The following EML1 variants were observed in gnomAD, a reference collection of about 807,000 sequenced individuals.
The protein encoded by EML1 is EMAP like 1, also known as echinoderm microtubule-associated protein-like 1.
Under a neutral mutation model 110.4 loss-of-function variants are expected in EML1, and 27 were observed. The ratio of observed to expected loss-of-function variants is 0.24; its 90% CI spans 0.18 to 0.34. The LOEUF (loss-of-function observed/expected upper bound fraction) is 0.34. Among genes scored for constraint, EML1 ranks in the 10% least tolerant of loss-of-function variants. EML1 has a pLI of 1.00. For synonymous variants in EML1, 344 were observed against 385.8 expected (o/e 0.89, Z 1.27); for missense variants, 741 against 1,030.9 (o/e 0.72, Z 3.85).
intron 7 of EML1, among the ~76,000 whole-genome samples, chr14:99,897,827 G>A (rs770253103): frequency 5.3e-5 from 8 of 152,144 alleles, no homozygotes; most frequent in Non-Finnish European, 8.8e-5. Context: ...GGATGGATGC[G>A]TGAAGAGATG....
chr14:99,805,452 C>T (rs976879307), intron 1 of EML1, among the ~76,000 whole-genome samples: 5 of 152,084 alleles, frequency 3.3e-5, no homozygotes, highest in African/African-American at 9.7e-5. Context: ...ATTCTATTTA[C>T]TTATTCTCTT....
chr14:99,897,259 G>A lies in EML1; in HGVS notation c.792G>A (p.Gln264=), dbSNP rs753290943. 14 of 1,612,684 alleles carry A rather than the reference G, an allele frequency of 8.7e-6. No homozygotes were observed. In the African/African-American group the frequency reaches 1.7e-4, roughly 20 times the overall value. The change falls in exon 7 of 22, where the codon CAG becomes CAA. Residue 264 remains glutamine, a synonymous_variant. Transcript: ENST00000262233. ...TATACAACGTGGAGGAGCAACTGCA[G>A]AGGCATTACGCTGGCCACAACGATG... ...VVLYNVEEQL[Q]RHYAGHNDDV... is the part of the protein sequence containing the mutation.
At chr14:99,743,408 C>T (rs189975483) in intron 1 of EML1, among the ~76,000 whole-genome samples, 2 of 152,322 alleles carry the variant, frequency 1.3e-5, no homozygotes, top group East Asian at 3.9e-4. Flanking sequence ...AGTGGCACCA[C>T]CCCAGACCAC....
At chr14:99,934,453 G>A (rs193013778) in intron 17 of EML1, among the ~76,000 whole-genome samples, 4 of 152,346 alleles carry the variant, frequency 2.6e-5, no homozygotes, top group East Asian at 1.9e-4. Context: ...ATTCCCTGAG[G>A]CGCCAGGCCA....
At chr14:99,805,786 T>C (rs1238089389) in intron 1 of EML1, among the ~76,000 whole-genome samples, 2 of 151,784 alleles carry the variant, frequency 1.3e-5, no homozygotes, top group East Asian at 1.9e-4. Context: ...CTAGAACCCT[T>C]TTTTTTTCAA....
intron 1 of EML1, among the ~76,000 whole-genome samples, chr14:99,782,527 G>A (rs988344685): frequency 2.6e-5 from 4 of 152,160 alleles, no homozygotes; most frequent in African/African-American, 9.7e-5. Flanking sequence ...TCAGTGTGGC[G>A]AAATGTGTGA....
chr14:99,917,287 A>C (rs950069671), intron 15 of EML1, among the ~76,000 whole-genome samples: 1 of 152,182 alleles, frequency 6.6e-6, no homozygotes, highest in African/African-American at 2.4e-5. Flanking sequence ...ACAGAAATTT[A>C]AGTCAGGCTC....
chr14:99,910,371 G>A lies in EML1; in HGVS notation c.1339+30G>A, dbSNP rs1431377227. ...TAAGTGATTGTTCCCAAAACCAATG[G>A]TTTTTGGTAATGTTGTAAGAGATCA... On this transcript the variant is annotated intron_variant, in intron 12 of 21. Coordinates refer to ENST00000262233, the MANE Select transcript of EML1 (RefSeq NM_004434.3). 2.6e-6 allele frequency: 4 copies of A among 1,558,362 alleles called. No individual in the cohort carries two copies. The South Asian group carries it at 3.4e-5, about 13-fold the overall frequency.
In EML1 at chr14:99,891,234, C is replaced by T; in HGVS notation, c.547+7C>T. 1 of 1,614,012 alleles carries T rather than the reference C, an allele frequency of 6.2e-7. No homozygotes were observed. Among genetic ancestry groups the T allele is most frequent in the African/African-American group, 1.3e-5 (1 of 75,020 alleles). On this transcript the variant is annotated splice_region_variant and intron_variant, in intron 5 of 21. Coordinates refer to ENST00000262233, the MANE Select transcript of EML1 (RefSeq NM_004434.3). ...GAGCCTGTATTCAGTGCAGGTAAGT[C>T]TGATTTAATTTATGTATGGGAACCC...
intron 1 of EML1, among the ~76,000 whole-genome samples, chr14:99,782,501 T>G (rs2057551543): frequency 6.6e-6 from 1 of 152,184 alleles, no homozygotes; most frequent in Non-Finnish European, 1.5e-5. Flanking sequence ...CTCCTGTTCC[T>G]GGCACAACAG....
chr14:99,925,868 C>G (rs1369279256), intron 17 of EML1, among the ~76,000 whole-genome samples: 2 of 152,190 alleles, frequency 1.3e-5, no homozygotes, highest in Admixed American at 6.5e-5. Flanking sequence ...TAACCTCAAG[C>G]CAGTAGAAAC....
intron 1 of EML1, among the ~76,000 whole-genome samples, chr14:99,801,193 G>C (rs1377528780): frequency 6.6e-6 from 1 of 152,212 alleles, no homozygotes; most frequent in East Asian, 1.9e-4. Context: ...GATAGAAATG[G>C]TTAGGCGAAT....
At chr14:99,901,089 G>A (rs2059755664) in intron 9 of EML1, 50 bp downstream of exon 9, 1 of 1,505,790 alleles carries the variant, frequency 6.6e-7, no homozygotes, top group Admixed American at 1.7e-5. Flanking sequence ...AGGAAGTAGA[G>A]AATCAACTCA....
intron 4 of EML1, chr14:99,885,994 G>T (rs2059467297): frequency 2.4e-6 from 1 of 422,430 alleles, no homozygotes; most frequent in African/African-American, 2.1e-5. Context: ...GGTTGGAAAT[G>T]TCTATGAAGC....
intron 1 of EML1, among the ~76,000 whole-genome samples, chr14:99,739,652 G>T (rs1470236060): frequency 6.6e-6 from 1 of 152,176 alleles, no homozygotes; most frequent in African/African-American, 2.4e-5. Flanking sequence ...ACGGTCTTTT[G>T]TCTCTAATAT....
chr14:99,797,075 A>G (rs2057790429), intron 1 of EML1, among the ~76,000 whole-genome samples: 1 of 152,180 alleles, frequency 6.6e-6, no homozygotes, highest in African/African-American at 2.4e-5. Context: ...GCATTACTCC[A>G]GAAGAAACCC....
chr14:99,866,061 A>G (rs2059092205), intron 3 of EML1, among the ~76,000 whole-genome samples: 3 of 152,244 alleles, frequency 2.0e-5, no homozygotes, highest in Admixed American at 1.3e-4. Context: ...GTACCCAACA[A>G]TGGAGTCTAA....
At chr14:99,937,947 A>G in intron 20 of EML1, 35 bp downstream of exon 20, 1 of 1,584,300 alleles carries the variant, frequency 6.3e-7, no homozygotes, top group Non-Finnish European at 8.7e-7. Context: ...GTTCCAACAA[A>G]AGAGTGTCTC....
At chr14:99,798,722 A>G (rs944850220) in intron 1 of EML1, among the ~76,000 whole-genome samples, 3 of 152,162 alleles carry the variant, frequency 2.0e-5, no homozygotes, top group Admixed American at 6.5e-5. Flanking sequence ...CTAAGGTTAT[A>G]TAGACTCCAT....
Sources: allele counts gnomAD v4.1 joint callset (sites outside exome capture counted in the v4.1 genomes callset), GRCh38; gene constraint gnomAD v4.1.1; transcripts MANE v1.5; gene names NCBI Gene and HGNC (gene_info 2026-07-23, HGNC 2026-07-21).